Variants in WWOX observed in about 807,000 individuals in gnomAD.
WWOX encodes the protein WW domain-containing oxidoreductase.
WWOX carries 69 observed loss-of-function variants against 46.2 expected under a neutral mutation model. The ratio of observed to expected loss-of-function variants is 1.49; its 90% CI spans 1.23 to 1.82. The LOEUF (loss-of-function observed/expected upper bound fraction) is 1.82, where lower values mean the gene tolerates loss of function less well. WWOX is among the 40% of genes most tolerant of loss of function. WWOX has a pLI of 0.00. For missense variants in WWOX, 919 were observed against 542.6 expected (o/e 1.69, Z -6.89); for synonymous variants, 359 against 202.6 (o/e 1.77, Z -6.56).
intron 8 of WWOX, among the ~76,000 whole-genome samples, chr16:78,522,179 A>G (rs112225603): frequency 1.3e-5 from 2 of 151,480 alleles, no homozygotes; most frequent in South Asian, 2.1e-4. Flanking sequence ...AGCTGATTTG[A>G]GATTTATTCA....
At chr16:78,910,190 G>C (rs1315961781) in intron 8 of WWOX, among the ~76,000 whole-genome samples, 1 of 152,086 alleles carries the variant, frequency 6.6e-6, no homozygotes, top group Non-Finnish European at 1.5e-5. Context: ...TAGGTGACTT[G>C]CTTTAGCCAA....
intron 5 of WWOX, among the ~76,000 whole-genome samples, chr16:78,369,356 A>T (rs1303828653): frequency 6.6e-6 from 1 of 152,200 alleles, no homozygotes; most frequent in Non-Finnish European, 1.5e-5. Flanking sequence ...CGTGGAAAAA[A>T]AAAGACTCAG....
chr16:78,175,010 A>ATAATAATAG (rs374071994), intron 5 of WWOX, among the ~76,000 whole-genome samples: 5,235 of 138,248 alleles, frequency 0.038, 105 homozygotes, highest in Middle Eastern at 0.082. Flanking sequence ...AATAATAATA[A>ATAATAATAG]TAATAATAAT....
chr16:78,627,207 G>C (rs2046330649), intron 8 of WWOX, among the ~76,000 whole-genome samples: 2 of 151,950 alleles, frequency 1.3e-5, no homozygotes, highest in African/African-American at 4.8e-5. Context: ...GCCCCTTTCA[G>C]GCCACTCTTC....
intron 8 of WWOX, among the ~76,000 whole-genome samples, chr16:78,859,050 G>GTATA (rs1163926433): frequency 0.014 from 569 of 40,558 alleles, 7 homozygotes; most frequent in East Asian, 0.052. Context: ...ATATATATAT[G>GTATA]TATATATATA....
chr16:78,780,110 T>C (rs2050287294), intron 8 of WWOX, among the ~76,000 whole-genome samples: 1 of 152,188 alleles, frequency 6.6e-6, no homozygotes, highest in South Asian at 2.1e-4. Context: ...TTCAGGTCCC[T>C]GTGAGCCCCT....
chr16:78,913,011 C>T (rs1337941664), intron 8 of WWOX, among the ~76,000 whole-genome samples: 3 of 152,026 alleles, frequency 2.0e-5, no homozygotes, highest in Non-Finnish European at 4.4e-5. Flanking sequence ...TTCCATCTCT[C>T]GAGTTGTCTC....
At chr16:78,422,862 C>T (rs1461970785) in intron 6 of WWOX, among the ~76,000 whole-genome samples, 2 of 140,686 alleles carry the variant, frequency 1.4e-5, no homozygotes, top group South Asian at 2.2e-4. Flanking sequence ...CACACACACA[C>T]ACACACACAC....
intron 8 of WWOX, among the ~76,000 whole-genome samples, chr16:78,533,215 G>A (rs772654129): frequency 6.6e-6 from 1 of 152,138 alleles, no homozygotes; most frequent in African/African-American, 2.4e-5. Flanking sequence ...TTGACGGAGA[G>A]GGGACAGGAG....
intron 6 of WWOX, among the ~76,000 whole-genome samples, chr16:78,391,748 T>C (rs995458660): frequency 6.6e-6 from 1 of 152,150 alleles, no homozygotes; most frequent in African/African-American, 2.4e-5. Context: ...CTCAGGAGGC[T>C]GAGGCATGAG....
intron 5 of WWOX, among the ~76,000 whole-genome samples, chr16:78,275,455 C>T (rs371931386): frequency 3.9e-5 from 6 of 152,226 alleles, no homozygotes; most frequent in Non-Finnish European, 1.5e-5. Context: ...CTGGTCCGTA[C>T]GCATCCCCTG....
chr16:78,150,547 T>A (rs536559576), intron 4 of WWOX, among the ~76,000 whole-genome samples: 2 of 152,268 alleles, frequency 1.3e-5, no homozygotes, highest in East Asian at 3.9e-4. Context: ...CCTGGCTAAG[T>A]TTTTTTGTTT....
chr16:78,658,092 A>G (rs911650330), intron 8 of WWOX, among the ~76,000 whole-genome samples: 5 of 151,962 alleles, frequency 3.3e-5, no homozygotes, highest in South Asian at 2.1e-4. Flanking sequence ...AAGCAACATC[A>G]CTGGCCTCTA....
At chr16:79,098,495 T>C (rs1443864866) in intron 8 of WWOX, among the ~76,000 whole-genome samples, 1 of 152,254 alleles carries the variant, frequency 6.6e-6, no homozygotes, top group Non-Finnish European at 1.5e-5. Flanking sequence ...TGGAATCTTC[T>C]TCACCCCTTC....
At chr16:79,175,005 C>T (rs1015704262) in intron 8 of WWOX, among the ~76,000 whole-genome samples, 1 of 152,184 alleles carries the variant, frequency 6.6e-6, no homozygotes, top group Admixed American at 6.5e-5. Flanking sequence ...TCTCCCTCAG[C>T]ATACCGTGTC....
At chr16:78,590,089 G>A (rs932325929) in intron 8 of WWOX, among the ~76,000 whole-genome samples, 23 of 151,838 alleles carry the variant, frequency 1.5e-4, no homozygotes, top group African/African-American at 5.3e-4. Context: ...CTTAAGGAGA[G>A]AAACACATAT....
rs141716267 is a variant in WWOX at position 78,501,997 on chromosome 16, T to G, written c.1056+69245T>G. ...AGGTTTCTGGGGGCATGGACCTGAG[T>G]CTTATCCCCTTTGCAAAAGTAAGAA... On this transcript the variant is annotated intron_variant, in intron 8 of 8. Transcript: ENST00000566780. Among the ~76,000 whole-genome samples the G allele has an allele frequency of 6.6e-4, 100 of 152,170 alleles. 1 individual carries two copies. The highest frequency in any genetic ancestry group is 1.3e-3 in the Non-Finnish European group (89 of 68,000).
At chr16:78,363,760 A>G (rs1324930118) in intron 5 of WWOX, among the ~76,000 whole-genome samples, 62 of 152,314 alleles carry the variant, frequency 4.1e-4, no homozygotes, top group Non-Finnish European at 2.6e-4. Flanking sequence ...AGATGTTAGC[A>G]ACATCATGAG....
intron 8 of WWOX, among the ~76,000 whole-genome samples, chr16:78,477,971 A>G (rs1212436504): frequency 1.3e-5 from 2 of 152,338 alleles, no homozygotes; most frequent in Non-Finnish European, 2.9e-5. Flanking sequence ...AGAAAAATAT[A>G]AAAGCTGCAA....
Sources: allele counts gnomAD v4.1 joint callset (sites outside exome capture counted in the v4.1 genomes callset), GRCh38; gene constraint gnomAD v4.1.1; transcripts MANE v1.5; gene names NCBI Gene and HGNC (gene_info 2026-07-23, HGNC 2026-07-21).